FUBP3: variants seen among roughly 807,000 people sequenced by gnomAD.
FUBP3 encodes far upstream element-binding protein 3.
FUBP3 carries 28 observed loss-of-function variants against 85.6 expected under a neutral mutation model. That is an observed-to-expected ratio of 0.33 (90% CI 0.24 to 0.45). FUBP3 has a LOEUF of 0.45. FUBP3 is among the 20% of genes least tolerant of loss of function. The probability of loss-of-function intolerance (pLI) is 1.00; values close to 1 mark genes in which losing one functional copy is unlikely to be tolerated. For synonymous variants in FUBP3, 271 were observed against 271.4 expected, an observed-to-expected ratio of 1.00 and a Z score of 0.01; for missense variants, 583 against 755.1, an observed-to-expected ratio of 0.77 and a Z score of 2.67.
At chr9:130,605,898 C>T (rs984569172) in intron 2 of FUBP3, among the ~76,000 whole-genome samples, 12 of 152,144 alleles carry the variant, frequency 7.9e-5, no homozygotes, top group Non-Finnish European at 1.2e-4. Flanking sequence ...GCAGGAGAAT[C>T]GCACGAACCC....
At chr9:130,583,120 G>C (rs1390281127) in intron 1 of FUBP3, among the ~76,000 whole-genome samples, 2 of 152,206 alleles carry the variant, frequency 1.3e-5, no homozygotes, top group South Asian at 2.1e-4. Context: ...AGCCATTGTA[G>C]AATCAGTAGA....
chr9:130,631,271 A>T (rs1411226006), intron 13 of FUBP3: 7 of 1,335,166 alleles, frequency 5.2e-6, no homozygotes, highest in Non-Finnish European at 6.7e-6. Context: ...GGGCCAGCCT[A>T]AGTTGACGGG....
chr9:130,612,527 T>C lies in FUBP3; in HGVS notation c.274+22T>C. On this transcript the variant is annotated intron_variant, in intron 4 of 18. Transcript: ENST00000319725. The surrounding 1 kb of genome is among the most constrained non-coding windows in gnomAD (Gnocchi z 4.1). ...TTTAGTAAGTATCCATGTTGTCTAC[T>C]TTTTCCCTGATTCCTGTCTCTTCTT... 6.9e-6 allele frequency: 10 copies of C among 1,441,238 alleles called. No homozygotes were observed. Among genetic ancestry groups the C allele is most frequent in the Non-Finnish European group, 7.8e-6 (8 of 1,026,438 alleles). 89.3% of individuals were successfully genotyped at this position (1,441,238 alleles called of 1,614,324 possible).
intron 11 of FUBP3, among the ~76,000 whole-genome samples, chr9:130,624,602 C>T (rs958699142): frequency 1.4e-5 from 2 of 143,790 alleles, no homozygotes; most frequent in South Asian, 2.3e-4. Flanking sequence ...TAAAATGTTA[C>T]AAGATTTTGT....
rs191464796 is a variant in FUBP3, at chr9:130,591,364, A to T, written c.85-4119A>T. ...AGGCTGAGGCAGGAGAATCTCTTGA[A>T]TCCAGGAGGCAGAGGTTGCAGTGAG... is the stretch of plus-strand genomic sequence containing the variant. On this transcript the variant is annotated intron_variant, in intron 1 of 18. Coordinates refer to ENST00000319725, the MANE Select transcript of FUBP3 (RefSeq NM_003934.2). Among the ~76,000 whole-genome samples the T allele has an allele frequency of 3.3e-3, 507 of 152,286 alleles. 4 individuals carry two copies. The highest frequency in any genetic ancestry group is 0.012 in the African/African-American group (478 of 41,552).
At chr9:130,614,590 G>C (rs1485012157) in intron 6 of FUBP3, among the ~76,000 whole-genome samples, 1 of 152,138 alleles carries the variant, frequency 6.6e-6, no homozygotes, top group Non-Finnish European at 1.5e-5. Flanking sequence ...TCAAACCAGG[G>C]TCTCAGGAGT....
chr9:130,601,126 T>TA (rs1209928127), intron 2 of FUBP3, among the ~76,000 whole-genome samples: 3 of 152,194 alleles, frequency 2.0e-5, no homozygotes, highest in African/African-American at 7.2e-5. Context: ...CCCTCAAGCT[T>TA]AATTTGCCAG....
chr9:130,585,346 A>G (rs1830298004), intron 1 of FUBP3, among the ~76,000 whole-genome samples: 1 of 152,116 alleles, frequency 6.6e-6, no homozygotes, highest in Non-Finnish European at 1.5e-5. Flanking sequence ...TGGGATGCCT[A>G]ATTGACAGTT....
chr9:130,622,017 C>A (rs184231820), intron 9 of FUBP3, among the ~76,000 whole-genome samples: 1 of 150,764 alleles, frequency 6.6e-6, no homozygotes, highest in Non-Finnish European at 1.5e-5. Flanking sequence ...AACTAAGTTG[C>A]GTGTTAAAAA....
At chr9:130,633,669 C>T (rs973030044) in intron 16 of FUBP3, among the ~76,000 whole-genome samples, 2 of 152,226 alleles carry the variant, frequency 1.3e-5, no homozygotes, top group Admixed American at 6.5e-5. Context: ...TGTTTGGCGG[C>T]GAAGTCCTGC....
Position 130,631,486 on chromosome 9 carries a change from G to A in FUBP3, c.1279-71G>A, listed in dbSNP as rs141096328. 3.6e-4 allele frequency: 530 copies of A among 1,454,500 alleles called. 2 individuals carry two copies. Among genetic ancestry groups the A allele is most frequent in the African/African-American group, 2.9e-3 (205 of 71,608 alleles). The allele number at this position is 1,454,500 out of a possible 1,614,324, so 90.1% of individuals were successfully genotyped here. A position where few individuals can be genotyped will look rare whatever the true frequency, so the allele number is the denominator to read the frequency against. On this transcript the variant is annotated intron_variant, in intron 13 of 18. Transcript: ENST00000319725. ...CTCCCCAAAAGCTGGGCTTTGCCTC[G>A]GGGTGGGCCTGGGCAGAGGAAAGAG... is the stretch of plus-strand genomic sequence containing the variant.
chr9:130,596,578 C>T (rs1311776620), intron 2 of FUBP3: 4 of 337,780 alleles, frequency 1.2e-5, no homozygotes, highest in African/African-American at 2.2e-5. Flanking sequence ...GCAGTGGCGC[C>T]GTTGAACTCC....
intron 11 of FUBP3, among the ~76,000 whole-genome samples, chr9:130,624,164 T>TA (rs1185412860): frequency 3.9e-5 from 6 of 152,218 alleles, no homozygotes; most frequent in African/African-American, 1.4e-4. Context: ...TAGGAACCCC[T>TA]ATAACTGATG....
chr9:130,632,373 A>C, intron 16 of FUBP3, 95 bp downstream of exon 16: 1 of 943,630 alleles, frequency 1.1e-6, no homozygotes, highest in Non-Finnish European at 1.7e-6. Context: ...CTCAGCCAGC[A>C]GGCCCAGGAT....
chr9:130,637,337 G>T lies in FUBP3; in HGVS notation c.*315G>T. ...CATTTCAACATGATGGTTTTGGTTT[G>T]GTTTGGTTTTGTGTCCTTTTTATTT... On this transcript the variant is annotated 3_prime_UTR_variant, in exon 19 of 19. Transcript: ENST00000319725. 1 of 332,826 alleles carries T rather than the reference G, an allele frequency of 3.0e-6. No homozygotes were observed. Among genetic ancestry groups the T allele is most frequent in the African/African-American group, 2.1e-5 (1 of 47,426 alleles). The allele number at this position is 332,826 out of a possible 1,614,324, so 20.6% of individuals were successfully genotyped here. A position where few individuals can be genotyped will look rare whatever the true frequency, so the allele number is the denominator to read the frequency against.
chr9:130,612,448 G>A lies in FUBP3; in HGVS notation c.225-8G>A. On this transcript the variant is annotated splice_region_variant and splice_polypyrimidine_tract_variant and intron_variant, in intron 3 of 18. Coordinates refer to ENST00000319725, the MANE Select transcript of FUBP3 (RefSeq NM_003934.2). This position sits in a 1 kb window ranked among gnomAD's most constrained non-coding sequence, Gnocchi z 4.1. ...TGTATTTTTTTCCAAAATGTTCTTT[G>A]TTTTTAGGACGGTAATAACGGAAGA... 6.3e-7 allele frequency: 1 copy of A among 1,584,560 alleles called. No individual in the cohort carries two copies. Among genetic ancestry groups the A allele is most frequent in the Non-Finnish European group, 8.7e-7 (1 of 1,155,260 alleles).
At position 130,612,737 on chromosome 9, in the gene FUBP3, C is replaced by T. The variant is rs958275561; in HGVS notation, c.275-219C>T. Among the ~76,000 whole-genome samples, 2 of 152,128 alleles carry T rather than the reference C, an allele frequency of 1.3e-5. No individual in the cohort carries two copies. The highest frequency in any genetic ancestry group is 4.8e-5 in the African/African-American group (2 of 41,428). On this transcript the variant is annotated intron_variant, in intron 4 of 18. Transcript: ENST00000319725. This position sits in a 1 kb window ranked among gnomAD's most constrained non-coding sequence, Gnocchi z 4.1. ...CTGTGGATGTCCCTCCCTTCCCCAC[C>T]TCTCCCCACCTCAGCTCAGATCCCC... is the stretch of plus-strand genomic sequence containing the variant.
chr9:130,616,545 G>A lies in FUBP3; in HGVS notation c.567+28G>A. The A allele has an allele frequency of 1.2e-6, 2 of 1,609,386 alleles. No homozygotes were observed. Among genetic ancestry groups the A allele is most frequent in the Non-Finnish European group, 1.7e-6 (2 of 1,176,052 alleles). On this transcript the variant is annotated intron_variant, in intron 7 of 18. Coordinates refer to ENST00000319725, the MANE Select transcript of FUBP3 (RefSeq NM_003934.2). The surrounding 1 kb of genome is among the most constrained non-coding windows in gnomAD (Gnocchi z 4.7). Reference sequence around the variant, plus strand: ...GTGTGAGCCCGGAGCACGGAGCACAGCGGCCGCTCGCAGCAGGTCTTCAGC... The same window carrying A: ...GTGTGAGCCCGGAGCACGGAGCACAACGGCCGCTCGCAGCAGGTCTTCAGC...
At chr9:130,615,524 C>A (rs1377947503) in intron 6 of FUBP3, among the ~76,000 whole-genome samples, 1 of 152,088 alleles carries the variant, frequency 6.6e-6, no homozygotes, top group African/African-American at 2.4e-5. Context: ...TTGTGTGTGG[C>A]AATTTAGAGA....
Sources: gnomAD v4.1 joint callset for allele counts (sites outside exome capture counted in the v4.1 genomes callset) on GRCh38, gnomAD v4.1.1 for gene constraint, Gnocchi (gnomAD v3.1) non-coding constraint, MANE v1.5 for transcripts, NCBI Gene and HGNC (gene_info 2026-07-23, HGNC 2026-07-21) for gene names.